Variants in WARS2 observed in about 807,000 individuals in gnomAD.
The protein encoded by WARS2 is tryptophanyl tRNA synthetase 2, mitochondrial, also known as tryptophan--tRNA ligase, mitochondrial.
Under a neutral mutation model 36.5 loss-of-function variants are expected in WARS2, and 28 were observed. That is an observed-to-expected ratio of 0.77 (90% CI 0.57 to 1.05). The LOEUF (loss-of-function observed/expected upper bound fraction) is 1.05. WARS2 is among the 50% of genes least tolerant of loss of function. The pLI is 0.00. For synonymous variants in WARS2, 174 were observed against 178.4 expected (o/e 0.98, Z 0.20); for missense variants, 435 against 456.8 (o/e 0.95, Z 0.44).
Position 119,076,554 on chromosome 1 carries a change from G to A in WARS2, c.144C>T (p.His48=), listed in dbSNP as rs1164081379. The change falls in exon 2 of 6, where the codon CAC becomes CAT. Residue 48 remains histidine (H), a synonymous_variant. Transcript: ENST00000235521. ...CAATGGCTCCCAGGTAATTGCCCAG[G>A]TGGAGGATTCCTGTAGGTTGAATGC... ...FSGIQPTGIL[H]LGNYLGAIES... is the part of the protein sequence containing the mutation. 6.2e-7 allele frequency: 1 copy of A among 1,614,052 alleles called. No homozygotes were observed. The highest frequency in any genetic ancestry group is 1.3e-5 in the African/African-American group (1 of 74,896).
At chr1:119,039,100 C>T (rs1648128946) in intron 4 of WARS2, among the ~76,000 whole-genome samples, 1 of 152,218 alleles carries the variant, frequency 6.6e-6, no homozygotes, top group African/African-American at 2.4e-5. Context: ...CTCTCTGAAA[C>T]TTCATTTCCC....
intron 3 of WARS2, 53 bp downstream of exon 3, chr1:119,045,528 AG>A: frequency 6.7e-7 from 1 of 1,482,706 alleles, no homozygotes. Context: ...AGAGCCTAAC[AG>A]GAAGGGAAAA....
At chr1:119,035,526 T>C (rs1393037935) in intron 4 of WARS2, among the ~76,000 whole-genome samples, 1 of 152,122 alleles carries the variant, frequency 6.6e-6, no homozygotes, top group Admixed American at 6.5e-5. Flanking sequence ...TATTCATTAA[T>C]ATCTGACATG....
chr1:119,125,678 A>G (rs1313490691), intron 1 of WARS2, among the ~76,000 whole-genome samples: 2 of 152,204 alleles, frequency 1.3e-5, no homozygotes, highest in African/African-American at 4.8e-5. Context: ...GACTACATAA[A>G]TGAGAGGAGA....
chr1:119,055,747 G>GAGGA (rs980361068), intron 2 of WARS2, among the ~76,000 whole-genome samples: 6 of 150,466 alleles, frequency 4.0e-5, no homozygotes, highest in Non-Finnish European at 5.9e-5. Flanking sequence ...GGGAGGGAGG[G>GAGGA]AGGAAGGAAG....
In WARS2 at chr1:119,044,506, T is replaced by C. The variant is rs187614678; in HGVS notation, c.429+1076A>G. ...AGTAATGAATCTGCAGCATTACTAGTACCATCTTATGTATTAAGTGTCTTA... is the reference window on the plus strand; with the variant it reads ...AGTAATGAATCTGCAGCATTACTAGCACCATCTTATGTATTAAGTGTCTTA... On this transcript the variant is annotated intron_variant, in intron 3 of 5. Transcript: ENST00000235521. Among the ~76,000 whole-genome samples the C allele has an allele frequency of 2.4e-3, 361 of 152,350 alleles. 1 individual carries two copies. Among genetic ancestry groups the C allele is most frequent in the African/African-American group, 8.1e-3 (335 of 41,586 alleles).
At chr1:119,118,235 A>G (rs975593654) in intron 1 of WARS2, among the ~76,000 whole-genome samples, 1 of 152,088 alleles carries the variant, frequency 6.6e-6, no homozygotes, top group Non-Finnish European at 1.5e-5. Context: ...TAAAGAAAAG[A>G]CTATCACAAC....
intron 1 of WARS2, among the ~76,000 whole-genome samples, chr1:119,115,057 C>G (rs1382120418): frequency 6.6e-6 from 1 of 152,088 alleles, no homozygotes; most frequent in Non-Finnish European, 1.5e-5. Flanking sequence ...TGGAAAGCTG[C>G]CAGTATGGTC....
At chr1:119,107,389 C>G in intron 1 of WARS2, among the ~76,000 whole-genome samples, 1 of 152,192 alleles carries the variant, frequency 6.6e-6, no homozygotes, top group East Asian at 1.9e-4. Context: ...CCTATGCTGT[C>G]TCCTACGTGG....
intron 1 of WARS2, among the ~76,000 whole-genome samples, chr1:119,101,972 A>G (rs934583965): frequency 1.3e-5 from 2 of 149,706 alleles, no homozygotes; most frequent in Admixed American, 6.8e-5. Flanking sequence ...TATTTTATTA[A>G]GTCCTATTTA....
intron 1 of WARS2, among the ~76,000 whole-genome samples, chr1:119,121,396 C>T (rs1282127378): frequency 6.6e-6 from 1 of 152,014 alleles, no homozygotes; most frequent in African/African-American, 2.4e-5. Context: ...TCATAGATGA[C>T]ACAAACAAAT....
At chr1:119,130,346 C>T (rs1466902278) in intron 1 of WARS2, among the ~76,000 whole-genome samples, 1 of 152,142 alleles carries the variant, frequency 6.6e-6, no homozygotes. Flanking sequence ...AGTATGTCTA[C>T]ACTTTTCTAT....
intron 1 of WARS2, among the ~76,000 whole-genome samples, chr1:119,106,236 T>C (rs1274775172): frequency 6.6e-6 from 1 of 151,786 alleles, no homozygotes; most frequent in African/African-American, 2.4e-5. Flanking sequence ...TGTCCCCACA[T>C]ATATATCACC....
chr1:119,061,500 T>G (rs1044706978), intron 2 of WARS2, among the ~76,000 whole-genome samples: 1 of 152,176 alleles, frequency 6.6e-6, no homozygotes, highest in African/African-American at 2.4e-5. Flanking sequence ...CAGTAGAAAT[T>G]AACCCACTTA....
chr1:119,044,136 C>T (rs906513370), intron 3 of WARS2, among the ~76,000 whole-genome samples: 2 of 152,172 alleles, frequency 1.3e-5, no homozygotes, highest in Non-Finnish European at 2.9e-5. Flanking sequence ...GAAGATATCA[C>T]TAGTATTTAA....
intron 4 of WARS2, 25 bp from the exon 5 acceptor site, chr1:119,034,238 A>G: frequency 6.3e-7 from 1 of 1,583,066 alleles, no homozygotes; most frequent in Non-Finnish European, 8.7e-7. Flanking sequence ...AGACAGAAAA[A>G]CAACAGCAAG....
At chr1:119,118,111 A>G (rs1211271944) in intron 1 of WARS2, among the ~76,000 whole-genome samples, 1 of 152,184 alleles carries the variant, frequency 6.6e-6, no homozygotes, top group Non-Finnish European at 1.5e-5. Context: ...AATAATTCAG[A>G]AGGTTGATTA....
intron 1 of WARS2, among the ~76,000 whole-genome samples, chr1:119,092,275 T>C (rs767435162): frequency 3.9e-5 from 6 of 152,150 alleles, no homozygotes; most frequent in Non-Finnish European, 8.8e-5. Context: ...TCACAAGGAA[T>C]TGCACCCTGT....
At chr1:119,063,467 T>A (rs757599819) in intron 2 of WARS2, 2 of 152,156 alleles carry the variant, frequency 1.3e-5, no homozygotes, top group African/African-American at 2.4e-5. Context: ...AGGAGCCTAA[T>A]GTTAATCCTC....
Sources: allele counts gnomAD v4.1 joint callset (sites outside exome capture counted in the v4.1 genomes callset), GRCh38; gene constraint gnomAD v4.1.1; transcripts MANE v1.5; gene names NCBI Gene and HGNC (gene_info 2026-07-23, HGNC 2026-07-21).